The following EPHB1 variants were observed in gnomAD, a reference collection of about 807,000 sequenced individuals.
EPHB1 encodes EPH receptor B1, also known as ephrin type-B receptor 1.
EPHB1 carries 30 observed loss-of-function variants against 94.4 expected under a neutral mutation model. That is an observed-to-expected ratio of 0.32 (90% CI 0.24 to 0.43). The LOEUF is 0.43. Ranked by LOEUF, EPHB1 falls within the 20% of genes least tolerant of loss-of-function variation. EPHB1 has a pLI of 1.00. For synonymous variants in EPHB1, 522 were observed against 489.1 expected (o/e 1.07, Z -0.89); for missense variants, 1,055 against 1,308.3 (o/e 0.81, Z 2.99).
intron 2 of EPHB1, among the ~76,000 whole-genome samples, chr3:134,937,615 A>AT (rs1461480813): frequency 6.6e-6 from 1 of 152,220 alleles, no homozygotes; most frequent in Non-Finnish European, 1.5e-5. Context: ...GGCCTCTGCT[A>AT]TACATTCTGA....
intron 1 of EPHB1, among the ~76,000 whole-genome samples, chr3:134,815,571 G>A (rs1008345072): frequency 1.3e-5 from 2 of 152,172 alleles, no homozygotes; most frequent in Admixed American, 1.3e-4. Context: ...ACTTTCTTGT[G>A]TGATTGCTAT....
chr3:134,987,627 T>C (rs1323589117), intron 3 of EPHB1, among the ~76,000 whole-genome samples: 1 of 151,948 alleles, frequency 6.6e-6, no homozygotes, highest in Non-Finnish European at 1.5e-5. Context: ...AATAATCAGC[T>C]AGGTGTGGTG....
At chr3:134,940,812 C>T (rs1347706995) in intron 2 of EPHB1, among the ~76,000 whole-genome samples, 2 of 152,184 alleles carry the variant, frequency 1.3e-5, no homozygotes, top group Non-Finnish European at 2.9e-5. Flanking sequence ...AATATAAGGT[C>T]CATGCGGACA....
rs2107698095 is a variant in EPHB1 at position 135,162,018 on chromosome 3, G to C, written c.1423G>C (p.Glu475Gln). 5 of 1,607,058 alleles carry C rather than the reference G, an allele frequency of 3.1e-6. No homozygotes were observed. The highest frequency in any genetic ancestry group is 4.2e-6 in the Non-Finnish European group (5 of 1,176,682). ...LDYEIRYYEK[E>Q]HNEFNSSMAR... The stretch of plus-strand genomic sequence containing the variant: ...GACCCTTTCCCTTGCTTTCTTTTAG[G>C]AACACAATGAGTTCAACTCCTCCAT... Residue 475 changes from glutamate (E) to glutamine (Q), a missense_variant and splice_region_variant, in exon 7 of 16, where the codon GAA becomes CAA. Glu to Gln is a conservative substitution (Grantham distance 29). Coordinates refer to ENST00000398015, the MANE Select transcript of EPHB1 (RefSeq NM_004441.5).
At position 135,201,400 on chromosome 3, in the gene EPHB1, G is replaced by T. The variant is rs1415215980; in HGVS notation, c.2131-74G>T. Reference sequence around the variant, plus strand: ...GCAGACAGAAGCTGACAAGCAGCAGGGCCACAACATCTCTCCCTCTGCTTA... The same window carrying T: ...GCAGACAGAAGCTGACAAGCAGCAGTGCCACAACATCTCTCCCTCTGCTTA... On this transcript the variant is annotated intron_variant, in intron 11 of 15. Transcript: ENST00000398015. The T allele has an allele frequency of 4.7e-6, 7 of 1,492,676 alleles. No individual in the cohort carries two copies. In the Admixed American group the frequency reaches 6.8e-5, roughly 14 times the overall value. 92.5% of individuals were successfully genotyped at this position (1,492,676 alleles called of 1,614,324 possible). A position where few individuals can be genotyped will look rare whatever the true frequency, so the allele number is the denominator to read the frequency against.
At chr3:134,869,675 C>G (rs991853175) in intron 1 of EPHB1, among the ~76,000 whole-genome samples, 1 of 152,142 alleles carries the variant, frequency 6.6e-6, no homozygotes, top group African/African-American at 2.4e-5. Context: ...AGTGCAAACT[C>G]TACTAGATTT....
intron 3 of EPHB1, among the ~76,000 whole-genome samples, chr3:134,975,886 C>T (rs2065212695): frequency 6.6e-6 from 1 of 151,576 alleles, no homozygotes; most frequent in Non-Finnish European, 1.5e-5. Context: ...TGAGGCCAGA[C>T]ATATAAAAAC....
intron 4 of EPHB1, among the ~76,000 whole-genome samples, chr3:135,121,174 G>T (rs973924543): frequency 6.6e-6 from 1 of 152,204 alleles, no homozygotes; most frequent in African/African-American, 2.4e-5. Context: ...AGTGGCTTGC[G>T]AGGAGCTGAG....
At chr3:134,838,672 C>T (rs375307838) in intron 1 of EPHB1, among the ~76,000 whole-genome samples, 7 of 152,166 alleles carry the variant, frequency 4.6e-5, no homozygotes, top group African/African-American at 1.7e-4. Flanking sequence ...TATAATCAAT[C>T]ACGTGTAGCC....
intron 1 of EPHB1, among the ~76,000 whole-genome samples, chr3:134,821,777 G>C (rs931517340): frequency 6.6e-6 from 1 of 152,172 alleles, no homozygotes; most frequent in Admixed American, 6.5e-5. Flanking sequence ...ACGTGTTTGG[G>C]AATGGTGACA....
chr3:135,044,956 G>C (rs181130838), intron 3 of EPHB1, among the ~76,000 whole-genome samples: 3 of 152,214 alleles, frequency 2.0e-5, no homozygotes, highest in African/African-American at 7.2e-5. Context: ...CAGAATCAAG[G>C]CTGAGTATGA....
At chr3:134,940,810 G>A (rs537672970) in intron 2 of EPHB1, among the ~76,000 whole-genome samples, 1 of 152,266 alleles carries the variant, frequency 6.6e-6, no homozygotes, top group South Asian at 2.1e-4. Flanking sequence ...GGAATATAAG[G>A]TCCATGCGGA....
At chr3:135,125,351 C>T (rs1940156366) in intron 4 of EPHB1, among the ~76,000 whole-genome samples, 1 of 150,806 alleles carries the variant, frequency 6.6e-6, no homozygotes, top group South Asian at 2.1e-4. Flanking sequence ...CCAGAGAACT[C>T]AGTGAAAGGG....
In EPHB1 at chr3:135,161,891, C is replaced by G. The variant is rs376199400; in HGVS notation, c.1423-127C>G. On this transcript the variant is annotated intron_variant, in intron 6 of 15. Transcript: ENST00000398015. ...CCCCATCCAGAGGGATGGCCTGGAG[C>G]TGATGACAACTGCTAGCAGATATGC... is the stretch of plus-strand genomic sequence containing the variant. 33 of 1,014,426 alleles carry G rather than the reference C, an allele frequency of 3.3e-5. No individual in the cohort carries two copies. The African/African-American group carries it at 4.9e-4, about 15-fold the overall frequency. 62.8% of individuals were successfully genotyped at this position (1,014,426 alleles called of 1,614,324 possible).
At chr3:135,189,413 T>C (rs528746500) in intron 10 of EPHB1, among the ~76,000 whole-genome samples, 2 of 152,212 alleles carry the variant, frequency 1.3e-5, no homozygotes, top group Non-Finnish European at 2.9e-5. Flanking sequence ...CCTGGCTTCA[T>C]GGACCTGTGA....
chr3:134,909,077 T>G (rs2038398114), intron 1 of EPHB1, among the ~76,000 whole-genome samples: 1 of 117,084 alleles, frequency 8.5e-6, no homozygotes. Flanking sequence ...CAGCAATGGG[T>G]GCTGGCCCAT....
chr3:134,988,993 GA>G (rs1438595626), intron 3 of EPHB1, among the ~76,000 whole-genome samples: 2 of 152,312 alleles, frequency 1.3e-5, no homozygotes, highest in East Asian at 1.9e-4. Flanking sequence ...CCTAAGCTCA[GA>G]ACTCTAGGCC....
At chr3:135,158,573 A>T (rs1941422247) in intron 6 of EPHB1, among the ~76,000 whole-genome samples, 2 of 151,934 alleles carry the variant, frequency 1.3e-5, no homozygotes, top group South Asian at 4.2e-4. Flanking sequence ...TGCGCTTAGG[A>T]CCCCTTTCAG....
intron 6 of EPHB1, 48 bp downstream of exon 6, chr3:135,154,324 G>A (rs769085860): frequency 1.2e-6 from 2 of 1,610,536 alleles, no homozygotes; most frequent in South Asian, 1.1e-5. Context: ...GCCAGCCACT[G>A]TTCCATGGAT....
Sources: gnomAD v4.1 joint callset for allele counts (sites outside exome capture counted in the v4.1 genomes callset) on GRCh38, gnomAD v4.1.1 for gene constraint, MANE v1.5 for transcripts, NCBI Gene and HGNC (gene_info 2026-07-23, HGNC 2026-07-21) for gene names.